The following LDLRAD4 variants were observed in gnomAD, a reference collection of about 807,000 sequenced individuals.
LDLRAD4 encodes the protein low density lipoprotein receptor class A domain containing 4.
LDLRAD4 carries 5 observed loss-of-function variants against 17.0 expected under a neutral mutation model. The observed-to-expected ratio is 0.29, with a 90% CI of 0.15 to 0.62. The LOEUF is 0.62. Among genes scored for constraint, LDLRAD4 ranks in the 20% least tolerant of loss-of-function variants. LDLRAD4 has a pLI of 0.84. For synonymous variants in LDLRAD4, 168 were observed against 171.8 expected (o/e 0.98, Z 0.17); for missense variants, 340 against 424.7 (o/e 0.80, Z 1.75).
intron 2 of LDLRAD4, among the ~76,000 whole-genome samples, chr18:13,404,101 A>G (rs1270408583): frequency 6.6e-6 from 1 of 152,208 alleles, no homozygotes; most frequent in African/African-American, 2.4e-5. Context: ...CTCCAGGCAT[A>G]TTTAATAAGA....
At chr18:13,534,771 T>C (rs1035764215) in intron 3 of LDLRAD4, among the ~76,000 whole-genome samples, 6 of 152,356 alleles carry the variant, frequency 3.9e-5, no homozygotes, top group African/African-American at 1.4e-4. Context: ...TTGCATAATC[T>C]ACACCACAGT....
intron 2 of LDLRAD4, among the ~76,000 whole-genome samples, chr18:13,403,850 T>G (rs572001315): frequency 1.3e-5 from 2 of 152,326 alleles, no homozygotes; most frequent in Admixed American, 6.5e-5. Context: ...TTTTCTGTTG[T>G]CTGTGAAGCC....
At chr18:13,563,658 T>C (rs2094563665) in intron 3 of LDLRAD4, among the ~76,000 whole-genome samples, 1 of 152,186 alleles carries the variant, frequency 6.6e-6, no homozygotes, top group South Asian at 2.1e-4. Context: ...GACTGGAGGA[T>C]GGCAGCTAGG....
intron 1 of LDLRAD4, among the ~76,000 whole-genome samples, chr18:13,238,972 G>A (rs1174789097): frequency 1.3e-5 from 2 of 152,014 alleles, no homozygotes; most frequent in Non-Finnish European, 2.9e-5. Flanking sequence ...GATCACCTGA[G>A]GTCAGGAGTT....
At chr18:13,506,495 C>G (rs1327062220) in intron 3 of LDLRAD4, among the ~76,000 whole-genome samples, 2 of 151,720 alleles carry the variant, frequency 1.3e-5, no homozygotes, top group Non-Finnish European at 2.9e-5. Context: ...TTTTGATGAC[C>G]CGTTTTTATA....
At chr18:13,310,208 G>C (rs939496269) in intron 1 of LDLRAD4, among the ~76,000 whole-genome samples, 1 of 149,772 alleles carries the variant, frequency 6.7e-6, no homozygotes, top group Non-Finnish European at 1.5e-5. Context: ...AAATTAGCCG[G>C]GTGTGGTGGT....
chr18:13,226,863 C>G (rs2041837480), intron 1 of LDLRAD4, among the ~76,000 whole-genome samples: 1 of 152,088 alleles, frequency 6.6e-6, no homozygotes, highest in African/African-American at 2.4e-5. Context: ...CTTGGTCTTC[C>G]CCCAGCCTCC....
intron 1 of LDLRAD4, among the ~76,000 whole-genome samples, chr18:13,289,417 G>A (rs1277704941): frequency 6.6e-6 from 1 of 152,168 alleles, no homozygotes; most frequent in African/African-American, 2.4e-5. Context: ...ACTGTTCAAG[G>A]ATTCATAAGT....
intron 2 of LDLRAD4, among the ~76,000 whole-genome samples, chr18:13,430,462 C>G (rs180935403): frequency 2.0e-5 from 3 of 152,274 alleles, no homozygotes; most frequent in Non-Finnish European, 4.4e-5. Flanking sequence ...GTGAATGGGC[C>G]TCAGCAAGGC....
intron 3 of LDLRAD4, among the ~76,000 whole-genome samples, chr18:13,504,657 A>C (rs2093662841): frequency 6.6e-6 from 1 of 152,068 alleles, no homozygotes; most frequent in African/African-American, 2.4e-5. Flanking sequence ...CAAACTCCTC[A>C]CCTCAGGTGA....
At chr18:13,553,557 A>G (rs1461800093) in intron 3 of LDLRAD4, among the ~76,000 whole-genome samples, 1 of 152,224 alleles carries the variant, frequency 6.6e-6, no homozygotes, top group Admixed American at 6.5e-5. Flanking sequence ...TTTCCTTATC[A>G]GAAGGTGAAA....
At chr18:13,442,580 C>G (rs1297973314) in intron 3 of LDLRAD4, among the ~76,000 whole-genome samples, 1 of 152,234 alleles carries the variant, frequency 6.6e-6, no homozygotes, top group East Asian at 1.9e-4. Flanking sequence ...CACCTCCTGC[C>G]CTGGTCCTAG....
upstream of LDLRAD4, among the ~76,000 whole-genome samples, chr18:13,277,150 TC>T (rs1372051326): frequency 1.3e-5 from 2 of 152,158 alleles, no homozygotes; most frequent in Non-Finnish European, 2.9e-5. Context: ...CCGTGTTTTA[TC>T]CGGCTGTCTT....
chr18:13,554,184 T>C (rs895265160), intron 3 of LDLRAD4, among the ~76,000 whole-genome samples: 1 of 152,218 alleles, frequency 6.6e-6, no homozygotes, highest in Non-Finnish European at 1.5e-5. Context: ...TCATAAGAAG[T>C]ACAAGCATTA....
intron 3 of LDLRAD4, among the ~76,000 whole-genome samples, chr18:13,505,748 G>A (rs896788664): frequency 4.6e-4 from 70 of 152,216 alleles, no homozygotes; most frequent in African/African-American, 1.7e-3. Context: ...AACCTGGGAG[G>A]CGGAGCTTGC....
intron 3 of LDLRAD4, among the ~76,000 whole-genome samples, chr18:13,537,567 C>A (rs2094217177): frequency 6.6e-6 from 1 of 152,152 alleles, no homozygotes; most frequent in African/African-American, 2.4e-5. Flanking sequence ...TGCTCCCTCA[C>A]CCACCGCTCA....
intron 2 of LDLRAD4, chr18:13,420,635 A>C (rs2089355826): frequency 6.6e-6 from 1 of 152,244 alleles, no homozygotes; most frequent in Non-Finnish European, 1.5e-5. Flanking sequence ...GGAGACCCTC[A>C]GTACTGAACC....
intron 4 of LDLRAD4, among the ~76,000 whole-genome samples, chr18:13,627,141 C>T (rs139519838): frequency 3.2e-4 from 49 of 152,206 alleles, no homozygotes; most frequent in Middle Eastern, 3.4e-3. Context: ...TGTGGTGGCA[C>T]GTGCCTGTAA....
intron 2 of LDLRAD4, among the ~76,000 whole-genome samples, chr18:13,431,020 G>T (rs922147481): frequency 6.6e-6 from 1 of 152,156 alleles, no homozygotes; most frequent in Non-Finnish European, 1.5e-5. Flanking sequence ...AGGGAATTAG[G>T]TACTTTATTA....
Sources: allele counts gnomAD v4.1 joint callset (sites outside exome capture counted in the v4.1 genomes callset), GRCh38; gene constraint gnomAD v4.1.1; transcripts MANE v1.5; gene names NCBI Gene and HGNC (gene_info 2026-07-23, HGNC 2026-07-21).